WASHC4: variants seen among roughly 807,000 people sequenced by gnomAD.
The protein encoded by WASHC4 is WASH complex subunit 7.
A neutral mutation model predicts 166.6 loss-of-function variants in WASHC4; 86 were observed. The observed-to-expected ratio is 0.52, with a 90% confidence interval of 0.43 to 0.62. The LOEUF (loss-of-function observed/expected upper bound fraction) is 0.62. Among genes scored for constraint, WASHC4 ranks in the 20% least tolerant of loss-of-function variants. WASHC4 has a pLI of 0.00. For synonymous variants in WASHC4, 446 were observed against 451.6 expected, an observed-to-expected ratio of 0.99 and a Z score of 0.16; for missense variants, 1,262 against 1,382.4, an observed-to-expected ratio of 0.91 and a Z score of 1.38.
At chr12:105,111,599 A>G (rs931845518) in intron 2 of WASHC4, among the ~76,000 whole-genome samples, 3 of 152,204 alleles carry the variant, frequency 2.0e-5, no homozygotes, top group Non-Finnish European at 1.5e-5. Flanking sequence ...ACTATTTTAC[A>G]TAGAGTGAAA....
At chr12:105,117,173 T>C (rs1172054498) in intron 6 of WASHC4, among the ~76,000 whole-genome samples, 1 of 152,226 alleles carries the variant, frequency 6.6e-6, no homozygotes, top group Non-Finnish European at 1.5e-5. Flanking sequence ...GTATTTTACA[T>C]GCATAGCAAT....
chr12:105,153,034 C>T (rs934840670), intron 26 of WASHC4, among the ~76,000 whole-genome samples: 3 of 152,112 alleles, frequency 2.0e-5, no homozygotes, highest in African/African-American at 7.2e-5. Flanking sequence ...CACAATAACC[C>T]TGTGAGATAG....
chr12:105,164,477 TCA>T (rs1884687816), intron 31 of WASHC4, 162 bp from the exon 32 acceptor site: 11 of 807,974 alleles, frequency 1.4e-5, no homozygotes, highest in Non-Finnish European at 2.0e-5. Flanking sequence ...GCCATTTGAC[TCA>T]CATCTTAAAA....
chr12:105,163,211 G>A (rs1241989105), intron 30 of WASHC4, among the ~76,000 whole-genome samples: 6 of 152,148 alleles, frequency 3.9e-5, no homozygotes, highest in Non-Finnish European at 7.3e-5. Flanking sequence ...GCCCGCCGCA[G>A]CCTCCCAAAG....
At chr12:105,123,621 A>C (rs1303049674) in intron 10 of WASHC4, among the ~76,000 whole-genome samples, 1 of 152,220 alleles carries the variant, frequency 6.6e-6, no homozygotes, top group East Asian at 1.9e-4. Flanking sequence ...AACCTAGCAC[A>C]GGTTGGTTTA....
intron 25 of WASHC4, among the ~76,000 whole-genome samples, chr12:105,151,672 G>A (rs1883787263): frequency 6.6e-6 from 1 of 152,014 alleles, no homozygotes; most frequent in Admixed American, 6.6e-5. Context: ...AGTAGAGATG[G>A]GGTTTCACCA....
chr12:105,123,743 G>A (rs543530404), intron 10 of WASHC4, among the ~76,000 whole-genome samples: 1 of 152,342 alleles, frequency 6.6e-6, no homozygotes, highest in East Asian at 1.9e-4. Flanking sequence ...ACTGATAGAG[G>A]TGGCCACACT....
intron 1 of WASHC4, 77 bp from the exon 2 acceptor site, chr12:105,111,046 CTT>C: frequency 9.5e-7 from 1 of 1,054,964 alleles, no homozygotes; most frequent in South Asian, 1.3e-5. Context: ...CTTTGCGTGA[CTT>C]TTGAGGTTAT....
chr12:105,130,655 G>C (rs942182692), intron 13 of WASHC4, among the ~76,000 whole-genome samples: 2 of 152,164 alleles, frequency 1.3e-5, no homozygotes, highest in Non-Finnish European at 2.9e-5. Flanking sequence ...TCAGGCTTCA[G>C]AGTTTATGTA....
intron 14 of WASHC4, among the ~76,000 whole-genome samples, chr12:105,134,321 A>G (rs1882120119): frequency 6.6e-6 from 1 of 152,120 alleles, no homozygotes; most frequent in Non-Finnish European, 1.5e-5. Flanking sequence ...TTTGGTAAAC[A>G]TTTCACGTCT....
chr12:105,146,099 T>C (rs1883269120), intron 22 of WASHC4, among the ~76,000 whole-genome samples: 1 of 152,192 alleles, frequency 6.6e-6, no homozygotes, highest in South Asian at 2.1e-4. Flanking sequence ...ACATTCTGAC[T>C]ACCTTTTAGA....
intron 26 of WASHC4, among the ~76,000 whole-genome samples, chr12:105,153,194 A>G (rs1883900998): frequency 6.6e-6 from 1 of 152,168 alleles, no homozygotes; most frequent in African/African-American, 2.4e-5. Context: ...GTAAAATCTT[A>G]TTGACTATAT....
intron 24 of WASHC4, chr12:105,149,032 A>C: frequency 5.1e-6 from 5 of 977,658 alleles, no homozygotes; most frequent in Non-Finnish European, 6.1e-6. Flanking sequence ...TTTATTTAAC[A>C]ATACTTGTTT....
chr12:105,127,330 C>T, intron 13 of WASHC4, 41 bp downstream of exon 13: 1 of 1,341,232 alleles, frequency 7.5e-7, no homozygotes, highest in South Asian at 1.2e-5. Flanking sequence ...ATTTAGATAT[C>T]CTTTATTTTC....
Position 105,118,507 on chromosome 12 carries a change from C to T in WASHC4, c.497C>T (p.Ala166Val). 6.2e-7 allele frequency: 1 copy of T among 1,610,012 alleles called. No homozygotes were observed. The highest frequency in any genetic ancestry group is 8.5e-7 in the Non-Finnish European group (1 of 1,176,232). The change falls in exon 7 of 33, where the codon GCT becomes GTT. Residue 166 changes from alanine (A) to valine (V), a missense_variant. Transcript: ENST00000332180. ...GTGATGAACGTAGTCCACCAGTTGG[C>T]TGCCCTCTATATCAGTAACAAGTAA... ...EVVMNVVHQLAALYISNKIAP... is the reference protein window; with the variant it reads ...EVVMNVVHQLVALYISNKIAP...
At position 105,120,581 on chromosome 12, in the gene WASHC4, C is replaced by T. The variant is rs761797260; in HGVS notation, c.545C>T (p.Thr182Ile). 1.9e-6 allele frequency: 3 copies of T among 1,602,494 alleles called. No individual in the cohort carries two copies. The highest frequency in any genetic ancestry group is 2.2e-5 in the South Asian group (2 of 90,846). The change falls in exon 8 of 33, where the codon ACT becomes ATT. Residue 182 changes from threonine (T) to isoleucine (I), a missense_variant. By Grantham distance (89) the Thr-to-Ile change is moderately conservative. Transcript: ENST00000332180. The part of the protein sequence containing the change: ...NKIAPKIIET[T>I]GVHFQTMYEH... ...ATTGCACCCAAAATTATAGAGACAA[C>T]TGGAGTTCATTTTCAGGTAAAAGAC... is the stretch of plus-strand genomic sequence containing the variant.
chr12:105,113,102 C>T (rs537757933), intron 2 of WASHC4, among the ~76,000 whole-genome samples: 2 of 152,078 alleles, frequency 1.3e-5, no homozygotes, highest in Non-Finnish European at 2.9e-5. Flanking sequence ...TTCCTCAACA[C>T]TTCTGTGAGA....
At position 105,113,637 on chromosome 12, in the gene WASHC4, A is replaced by G. The variant is rs538851075; in HGVS notation, c.202-579A>G. Reference sequence around the variant, plus strand: ...TAATAACTTACTTGCATAAATAGTTAGTTAGTATGTAACCAGAAGGGAGAT... The same window carrying G: ...TAATAACTTACTTGCATAAATAGTTGGTTAGTATGTAACCAGAAGGGAGAT... On this transcript the variant is annotated intron_variant, in intron 2 of 32. Transcript: ENST00000332180. Among the ~76,000 whole-genome samples the G allele has an allele frequency of 2.6e-5, 4 of 152,206 alleles. No homozygotes were observed. In the South Asian group the frequency reaches 8.3e-4, roughly 31 times the overall value.
chr12:105,147,287 A>G, intron 24 of WASHC4, 141 bp downstream of exon 24: 2 of 666,994 alleles, frequency 3.0e-6, no homozygotes, highest in South Asian at 1.6e-5. Context: ...CTGGTTAGTA[A>G]TTAAAATGTC....
Sources: allele counts gnomAD v4.1 joint callset (sites outside exome capture counted in the v4.1 genomes callset), GRCh38; gene constraint gnomAD v4.1.1; transcripts MANE v1.5; gene names NCBI Gene and HGNC (gene_info 2026-07-23, HGNC 2026-07-21).